Variants in TTC34 observed in about 807,000 individuals in gnomAD.
TTC34 encodes the protein tetratricopeptide repeat domain 34, also known as tetratricopeptide repeat protein 34.
In TTC34, 44 loss-of-function variants were observed where a neutral mutation model predicts 40.7. The ratio of observed to expected loss-of-function variants is 1.08; its 90% CI spans 0.85 to 1.39. The LOEUF (loss-of-function observed/expected upper bound fraction) is 1.39, where lower values mean the gene tolerates loss of function less well. Ranked by LOEUF, TTC34 falls within the 40% of genes most tolerant of loss-of-function variation. The probability of loss-of-function intolerance (pLI) is 0.00; values close to 1 mark genes in which losing one functional copy is unlikely to be tolerated. For synonymous variants in TTC34, 422 were observed against 398.6 expected, an observed-to-expected ratio of 1.06 and a Z score of -0.70; for missense variants, 884 against 838.0, an observed-to-expected ratio of 1.05 and a Z score of -0.68.
chr1:2,655,496 C>G (rs1570761530), intron 6 of TTC34, among the ~76,000 whole-genome samples: 1 of 150,616 alleles, frequency 6.6e-6, no homozygotes, highest in South Asian at 2.1e-4. Flanking sequence ...ACCCACACCC[C>G]CAGGTGAGCA....
chr1:2,644,276 C>G (rs573143689), exon 8 of TTC34: 1 of 1,534,356 alleles, frequency 6.5e-7, no homozygotes, highest in South Asian at 1.2e-5. Context: ...GGGCAAGGCT[C>G]TGCCGCTCCG....
At chr1:2,752,359 C>T (rs1238665665) in intron 6 of TTC34, among the ~76,000 whole-genome samples, 5 of 105,020 alleles carry the variant, frequency 4.8e-5, no homozygotes, top group Admixed American at 9.9e-5. Context: ...CCGCCTGGAA[C>T]AGCACCCACA....
rs569570225 is a variant in TTC34, at chr1:2,685,231, A to AC, written c.2227-39669dup. Reference sequence around the variant, plus strand: ...TGAGCATCTGACATCGTGGAGCAGCACCCACACCCCAGGTGAGCATCTGAG... The same window carrying AC: ...TGAGCATCTGACATCGTGGAGCAGCACCCCACACCCCAGGTGAGCATCTGAG... On this transcript the variant is annotated intron_variant, in intron 6 of 8. Coordinates refer to ENST00000401095, the Ensembl canonical transcript of TTC34. 4.7e-3 allele frequency among the ~76,000 whole-genome samples: 226 copies of AC among 47,874 alleles called. 1 individual carries two copies. The highest frequency in any genetic ancestry group is 0.013 in the East Asian group (6 of 468). The allele number at this position is 47,874 out of a possible 152,430, so 31.4% of individuals were successfully genotyped here.
At chr1:2,700,377 A>AG (rs1488683844) in intron 6 of TTC34, among the ~76,000 whole-genome samples, 1 of 112,526 alleles carries the variant, frequency 8.9e-6, no homozygotes, top group African/African-American at 2.8e-5. Flanking sequence ...CCACAACCCC[A>AG]GGTGAGTATC....
intron 6 of TTC34, among the ~76,000 whole-genome samples, chr1:2,651,599 C>G (rs910572939): frequency 6.6e-6 from 1 of 151,984 alleles, no homozygotes; most frequent in East Asian, 1.9e-4. Context: ...CACCCCACAC[C>G]CCCTGGTGAG....
In TTC34 at chr1:2,647,032, G is replaced by A. The variant is rs548941616; in HGVS notation, c.2227-1469C>T. Among the ~76,000 whole-genome samples, 13 of 152,102 alleles carry A rather than the reference G, an allele frequency of 8.5e-5. 1 individual carries two copies. Among genetic ancestry groups the A allele is most frequent in the East Asian group, 7.7e-4 (4 of 5,198 alleles). On this transcript the variant is annotated intron_variant, in intron 6 of 8. Coordinates refer to ENST00000401095, the Ensembl canonical transcript of TTC34. Reference sequence around the variant, plus strand: ...TTCTGGGACAAATCTGCTGTCATTCGTGTTGTTGTATGTCATTTGTTCACC... The same window carrying A: ...TTCTGGGACAAATCTGCTGTCATTCATGTTGTTGTATGTCATTTGTTCACC...
chr1:2,686,790 T>TGACTATCGGACAGCCTGGAG (rs1640376573), intron 6 of TTC34, among the ~76,000 whole-genome samples: 2 of 26,148 alleles, frequency 7.6e-5, no homozygotes, highest in Non-Finnish European at 1.4e-4. Context: ...ACAGCCTGGA[T>TGACTATCGGACAGCCTGGAG]CAGCACCCAC....
intron 6 of TTC34, among the ~76,000 whole-genome samples, chr1:2,657,542 T>TCCC (rs1639395034): frequency 1.5e-5 from 1 of 67,522 alleles, no homozygotes; most frequent in African/African-American, 4.8e-5. Flanking sequence ...CACCCAGAAC[T>TCCC]CCAGGTGAGC....
At chr1:2,748,831 G>A (rs1338571906) in intron 6 of TTC34, among the ~76,000 whole-genome samples, 1 of 131,114 alleles carries the variant, frequency 7.6e-6, no homozygotes, top group Non-Finnish European at 1.6e-5. Flanking sequence ...GCCTCGGTCG[G>A]CACCCACAAA....
intron 6 of TTC34, among the ~76,000 whole-genome samples, chr1:2,760,958 C>T (rs1483602646): frequency 1.6e-5 from 1 of 62,900 alleles, no homozygotes; most frequent in Non-Finnish European, 2.6e-5. Flanking sequence ...GGAGCAGCGT[C>T]CACACCCCCA....
intron 6 of TTC34, among the ~76,000 whole-genome samples, chr1:2,750,979 A>G (rs1299661810): frequency 1.5e-4 from 15 of 102,330 alleles, no homozygotes; most frequent in East Asian, 8.0e-4. Flanking sequence ...CCAGGTGCGC[A>G]TGTGATGGTC....
chr1:2,783,746 G>C, exon 6 of TTC34: 1 of 1,532,646 alleles, frequency 6.5e-7, no homozygotes, highest in Non-Finnish European at 8.8e-7. Context: ...CAGCGGGCTC[G>C]GGCAAGGAGG....
chr1:2,676,946 C>T (rs1490893328), intron 6 of TTC34, among the ~76,000 whole-genome samples: 66 of 148,252 alleles, frequency 4.5e-4, no homozygotes, highest in African/African-American at 1.4e-3. Flanking sequence ...GAGCATCTGA[C>T]AGCATGGAAC....
chr1:2,750,801 C>A (rs1641294505), intron 6 of TTC34, among the ~76,000 whole-genome samples: 1 of 134,714 alleles, frequency 7.4e-6, no homozygotes, highest in South Asian at 2.5e-4. Context: ...GGAGCAGCGC[C>A]CACACCCCCA....
exon 9 of TTC34, chr1:2,641,650 C>G (rs1335884660): frequency 6.5e-7 from 1 of 1,535,342 alleles, no homozygotes; most frequent in South Asian, 1.2e-5. Flanking sequence ...GGCTCAGCAG[C>G]AGGCGACCCT....
chr1:2,751,362 C>T (rs1641312903), intron 6 of TTC34, among the ~76,000 whole-genome samples: 1 of 148,412 alleles, frequency 6.7e-6, no homozygotes, highest in Non-Finnish European at 1.5e-5. Context: ...GGTCGGCACC[C>T]ACACCCCCAG....
chr1:2,648,647 G>T (rs1262305980), intron 6 of TTC34, among the ~76,000 whole-genome samples: 1 of 147,028 alleles, frequency 6.8e-6, no homozygotes, highest in African/African-American at 2.5e-5. Context: ...GCATCTTACA[G>T]CCTGGAACAG....
intron 6 of TTC34, among the ~76,000 whole-genome samples, chr1:2,690,134 C>G (rs1165429709): frequency 0.061 from 6,553 of 108,060 alleles, 117 homozygotes; most frequent in Non-Finnish European, 0.091. Context: ...GAACAGCACC[C>G]ACACCCCAAG....
chr1:2,785,874 G>A (rs937426939), exon 5 of TTC34: 1 of 1,542,106 alleles, frequency 6.5e-7, no homozygotes. Context: ...TGTGAACCCT[G>A]CCGTCGGCCC....
Sources: gnomAD v4.1 joint callset for allele counts (sites outside exome capture counted in the v4.1 genomes callset) on GRCh38, gnomAD v4.1.1 for gene constraint, MANE v1.5 for transcripts, NCBI Gene and HGNC (gene_info 2026-07-23, HGNC 2026-07-21) for gene names.